IGSF9: variants seen among roughly 807,000 people sequenced by gnomAD.
IGSF9 encodes protein turtle homolog A.
A neutral mutation model predicts 121.7 loss-of-function variants in IGSF9; 87 were observed. The ratio of observed to expected loss-of-function variants is 0.71; its 90% CI spans 0.60 to 0.85. IGSF9 has a LOEUF of 0.85. IGSF9 is among the 40% of genes least tolerant of loss of function. IGSF9 has a pLI of 0.00. For missense variants in IGSF9, 1,462 were observed against 1,565.3 expected (o/e 0.93, Z 1.11); for synonymous variants, 640 against 648.4 (o/e 0.99, Z 0.20).
Position 159,934,699 on chromosome 1 carries a change from ATGT to A in IGSF9, c.794_796del (p.Asn265del). ...ACCCCACCTAATGTGGAAGACATTG[ATGT>A]TGTCCTGGAACCAGCTGTAGGTGAG... On this transcript the variant is annotated inframe_deletion, in exon 7 of 21. Coordinates refer to ENST00000368094, the MANE Select transcript of IGSF9 (RefSeq NM_001135050.2). The A allele has an allele frequency of 6.2e-7, 1 of 1,614,192 alleles. No individual in the cohort carries two copies. The highest frequency in any genetic ancestry group is 8.5e-7 in the Non-Finnish European group (1 of 1,180,026).
At chr1:159,937,935 C>A in intron 3 of IGSF9, 97 bp from the exon 4 acceptor site, 2 of 1,271,772 alleles carry the variant, frequency 1.6e-6, no homozygotes, top group Non-Finnish European at 2.2e-6. Context: ...AGAACAGGCT[C>A]AGTCTCTCCC....
At position 159,934,578 on chromosome 1, in the gene IGSF9, G is replaced by A. The variant is rs571480596; in HGVS notation, c.816-8C>T. ...ACCCGGGGCTGCAGGCGGCTGCAAT[G>A]TGGCATGTGTGAGGAGGGGTCCAGG... On this transcript the variant is annotated splice_polypyrimidine_tract_variant and splice_region_variant and intron_variant, in intron 7 of 20. Transcript: ENST00000368094. The A allele has an allele frequency of 1.9e-6, 3 of 1,613,650 alleles. No homozygotes were observed. In the African/African-American group the frequency reaches 4.0e-5, roughly 21 times the overall value.
intron 4 of IGSF9, among the ~76,000 whole-genome samples, chr1:159,937,143 T>C (rs1039022888): frequency 6.6e-6 from 1 of 152,100 alleles, no homozygotes; most frequent in Admixed American, 6.5e-5. Context: ...GTCCAGAGCC[T>C]GGGGGAGAGC....
intron 3 of IGSF9, among the ~76,000 whole-genome samples, chr1:159,938,941 A>G (rs1024735945): frequency 1.3e-5 from 2 of 152,176 alleles, no homozygotes; most frequent in Non-Finnish European, 2.9e-5. Context: ...TAAACTGATC[A>G]CACGTCACCT....
chr1:159,943,562 C>T lies in IGSF9; in HGVS notation c.-108G>A. Reference sequence around the variant, plus strand: ...CAGGGAACAGGTTTCAGCTCTCACTCTTCTGTACAGTGAGGGCTTGGCTCA... The same window carrying T: ...CAGGGAACAGGTTTCAGCTCTCACTTTTCTGTACAGTGAGGGCTTGGCTCA... On this transcript the variant is annotated 5_prime_UTR_variant, in exon 2 of 21. Transcript: ENST00000368094. 9.4e-7 allele frequency: 1 copy of T among 1,061,720 alleles called. No individual in the cohort carries two copies. The highest frequency in any genetic ancestry group is 1.9e-5 in the South Asian group (1 of 51,634). 65.8% of individuals were successfully genotyped at this position (1,061,720 alleles called of 1,614,324 possible).
rs762782876 is a variant in IGSF9, at chr1:159,927,097, C to CACACACACACAGAGAG, written c.*247_*248insCTCTCTGTGTGTGTGT. 1 of 324,014 alleles carries CACACACACACAGAGAG rather than the reference C, an allele frequency of 3.1e-6. No homozygotes were observed. Among genetic ancestry groups the CACACACACACAGAGAG allele is most frequent in the African/African-American group, 2.4e-5 (1 of 41,090 alleles). The allele number at this position is 324,014 out of a possible 1,614,324, so 20.1% of individuals were successfully genotyped here. ...AACTTCACACACACACACACACACA[C>CACACACACACAGAGAG]AGAGAGAGAGAGAGAGAGAGAGAGA... On this transcript the variant is annotated 3_prime_UTR_variant, in exon 21 of 21. Coordinates refer to ENST00000368094, the MANE Select transcript of IGSF9 (RefSeq NM_001135050.2).
chr1:159,930,101 T>G (rs542468387), intron 15 of IGSF9, 88 bp downstream of exon 15: 1 of 1,549,538 alleles, frequency 6.5e-7, no homozygotes, highest in East Asian at 2.3e-5. Flanking sequence ...AGAGCTCAAA[T>G]CAAGATGAGA....
In IGSF9 at chr1:159,929,087, C is replaced by CT. The variant is rs1171961983; in HGVS notation, c.2370-70dup. 3 of 1,482,080 alleles carry CT rather than the reference C, an allele frequency of 2.0e-6. No homozygotes were observed. The East Asian group carries it at 7.1e-5, about 35-fold the overall frequency. 91.8% of individuals were successfully genotyped at this position (1,482,080 alleles called of 1,614,324 possible). A position where few individuals can be genotyped will look rare whatever the true frequency, so the allele number is the denominator to read the frequency against. ...CCCCTCCCAGGAGCCAGCGTCAGGC[C>CT]TTGAGAGGTTTGGTGAACAACAGAG... is the stretch of plus-strand genomic sequence containing the variant. On this transcript the variant is annotated intron_variant, in intron 18 of 20. Coordinates refer to ENST00000368094, the MANE Select transcript of IGSF9 (RefSeq NM_001135050.2).
In IGSF9 at chr1:159,930,405, G is replaced by A. The variant is rs770934646; in HGVS notation, c.1848C>T (p.Pro616=). The change falls in exon 15 of 21, where the codon CCC becomes CCT. Residue 616 remains proline (P), a synonymous_variant. Coordinates refer to ENST00000368094, the MANE Select transcript of IGSF9 (RefSeq NM_001135050.2). The part of the protein sequence containing the change: ...LPTTPAAPGL[P]PTEIPPPLSP... ...ACAGGGGAGGCGGTATCTCTGTTGG[G>A]GGAAGCCCGGGTGCAGCTGGCGTGG... 1 of 1,553,848 alleles carries A rather than the reference G, an allele frequency of 6.4e-7. No individual in the cohort carries two copies. Among genetic ancestry groups the A allele is most frequent in the Admixed American group, 1.9e-5 (1 of 51,302 alleles).
At chr1:159,930,071 G>A (rs1305556826) in intron 15 of IGSF9, 96 bp from the exon 16 acceptor site, 2 of 1,548,812 alleles carry the variant, frequency 1.3e-6, no homozygotes, top group African/African-American at 2.7e-5. Flanking sequence ...ACGGAAGGGT[G>A]AGGTAGGACG....
chr1:159,934,414 G>T lies in IGSF9; in HGVS notation c.961+11C>A, dbSNP rs753709053. ...GGAGCAGGCTGAGGGAGAAGCTGGG[G>T]TCAGGCTTACAGAGCACAGTGAGGT... On this transcript the variant is annotated intron_variant, in intron 8 of 20. Coordinates refer to ENST00000368094, the MANE Select transcript of IGSF9 (RefSeq NM_001135050.2). The T allele has an allele frequency of 3.2e-6, 5 of 1,573,894 alleles. No homozygotes were observed. The South Asian group carries it at 5.8e-5, about 18-fold the overall frequency.
At chr1:159,936,600 C>T in intron 5 of IGSF9, 84 bp from the exon 6 acceptor site, 1 of 1,530,396 alleles carries the variant, frequency 6.5e-7, no homozygotes, top group Non-Finnish European at 8.9e-7. Flanking sequence ...CAGAGGGAGG[C>T]AGCACCCCAG....
At chr1:159,944,230 C>G (rs775786664) in intron 1 of IGSF9, among the ~76,000 whole-genome samples, 2 of 152,148 alleles carry the variant, frequency 1.3e-5, no homozygotes, top group Non-Finnish European at 2.9e-5. Context: ...GTCCCATTTC[C>G]CCAGCCTCTA....
In IGSF9 at chr1:159,943,052, T is replaced by C. The variant is rs759146489; in HGVS notation, c.158A>G (p.His53Arg). 4.3e-6 allele frequency: 7 copies of C among 1,612,654 alleles called. No homozygotes were observed. The East Asian group carries it at 1.6e-4, about 36-fold the overall frequency. ...LLPPAGRPPL[H>R]VIEWLRFGFL... Reference sequence around the variant, plus strand: ...TCCAAAGCGCAGCCACTCGATGACATGCAGGGGGGGCCGGCCGGCCGGGGG... The same window carrying C: ...TCCAAAGCGCAGCCACTCGATGACACGCAGGGGGGGCCGGCCGGCCGGGGG... Residue 53 changes from histidine (H) to arginine (R), a missense_variant, in exon 3 of 21, where the codon CAT (histidine) becomes CGT (arginine). By Grantham distance (29) the His-to-Arg change is conservative (BLOSUM62 0). Coordinates refer to ENST00000368094, the MANE Select transcript of IGSF9 (RefSeq NM_001135050.2).
chr1:159,937,908 G>A, intron 3 of IGSF9, 70 bp from the exon 4 acceptor site: 2 of 1,501,572 alleles, frequency 1.3e-6, no homozygotes, highest in Non-Finnish European at 1.8e-6. Flanking sequence ...TGGTCACACT[G>A]GTAATTCTTA....
At chr1:159,940,708 T>C (rs1330721153) in intron 3 of IGSF9, among the ~76,000 whole-genome samples, 1 of 152,068 alleles carries the variant, frequency 6.6e-6, no homozygotes, top group African/African-American at 2.4e-5. Flanking sequence ...GGATTAAGAA[T>C]AAAAGGTGGT....
chr1:159,929,804 G>A lies in IGSF9; in HGVS notation c.2160C>T (p.Val720=). 6.2e-7 allele frequency: 1 copy of A among 1,604,780 alleles called. No individual in the cohort carries two copies. The highest frequency in any genetic ancestry group is 8.5e-7 in the Non-Finnish European group (1 of 1,176,498). The change falls in exon 17 of 21, where the codon GTC becomes GTT. Residue 720 remains valine, a synonymous_variant. Transcript: ENST00000368094. ...CCGGCAGCTGCGTGCGCGAAGGGTA[G>A]ACCTCCAGACCTAGGCAGGGGTCCA... ...TANVSTSGLE[V]YPSRTQLPGL...
rs1245511561 is a variant in IGSF9, at chr1:159,936,530, G to A, written c.556-14C>T. The A allele has an allele frequency of 3.1e-6, 5 of 1,611,252 alleles. No homozygotes were observed. Among genetic ancestry groups the A allele is most frequent in the Non-Finnish European group, 4.2e-6 (5 of 1,178,014 alleles). The stretch of plus-strand genomic sequence containing the variant: ...CCCGTTCTGCACCTAGGGAAGGAGT[G>A]GGTGAGGAAGAGTCCTTTCCCCTGC... On this transcript the variant is annotated splice_polypyrimidine_tract_variant and intron_variant, in intron 5 of 20. Transcript: ENST00000368094.
At position 159,943,412 on chromosome 1, in the gene IGSF9, T is replaced by C. The variant is rs1189097944; in HGVS notation, c.43A>G (p.Ser15Gly). 1.3e-6 allele frequency: 2 copies of C among 1,589,356 alleles called. No individual in the cohort carries two copies. Among genetic ancestry groups the C allele is most frequent in the Non-Finnish European group, 8.6e-7 (1 of 1,167,424 alleles). The change falls in exon 2 of 21, where the codon AGC becomes GGC. Residue 15 changes from serine to glycine, a missense_variant. By Grantham distance (56) the Ser-to-Gly change is moderately conservative. Around this residue, in one of 3 missense-constraint regions of IGSF9, gnomAD observed 558 missense variants for 599.4 expected, o/e 0.93. Transcript: ENST00000368094. ...CTCAGCTTACCGTCAGCCCCCTGGCTGATGACCAGGCTGAGGACGGCCAGG... is the reference window on the plus strand; with the variant it reads ...CTCAGCTTACCGTCAGCCCCCTGGCCGATGACCAGGCTGAGGACGGCCAGG... ...LGLAVLSLVI[S>G]QGADGRGKPE... is the part of the protein sequence containing the mutation.
Sources: gnomAD v4.1 joint callset for allele counts (sites outside exome capture counted in the v4.1 genomes callset) on GRCh38, gnomAD v4.1.1 for gene constraint, gnomAD v4.1.1 regional missense constraint, MANE v1.5 for transcripts, NCBI Gene and HGNC (gene_info 2026-07-23, HGNC 2026-07-21) for gene names.